Variants in STPG2 observed in about 807,000 individuals in gnomAD.
STPG2 encodes the protein sperm tail PG-rich repeat containing 2.
Under a neutral mutation model 54.2 loss-of-function variants are expected in STPG2, and 56 were observed. The observed-to-expected ratio is 1.03, with a 90% CI of 0.83 to 1.29. The LOEUF is 1.29. Among genes scored for constraint, STPG2 ranks in the 50% most tolerant of loss-of-function variants. STPG2 has a pLI of 0.00. For synonymous variants in STPG2, 200 were observed against 181.8 expected, an observed-to-expected ratio of 1.10 and a Z score of -0.81; for missense variants, 596 against 544.9, an observed-to-expected ratio of 1.09 and a Z score of -0.93.
chr4:98,106,322 G>A (rs1019708207), intron 4 of STPG2, among the ~76,000 whole-genome samples: 2 of 151,810 alleles, frequency 1.3e-5, no homozygotes, highest in African/African-American at 4.8e-5. Context: ...AATAAGATCT[G>A]GTATTTATTG....
intron 5 of STPG2, among the ~76,000 whole-genome samples, chr4:97,993,619 G>A (rs1204010564): frequency 6.6e-6 from 1 of 151,740 alleles, no homozygotes; most frequent in Non-Finnish European, 1.5e-5. Context: ...AATTGTTGGA[G>A]GATTCCCTCT....
chr4:97,946,582 T>C (rs1442164777), intron 7 of STPG2, among the ~76,000 whole-genome samples: 1 of 152,078 alleles, frequency 6.6e-6, no homozygotes, highest in Non-Finnish European at 1.5e-5. Context: ...AAATGAGATG[T>C]AGGGATTCAG....
At chr4:98,124,273 A>G (rs1220769957) in intron 3 of STPG2, among the ~76,000 whole-genome samples, 4 of 152,124 alleles carry the variant, frequency 2.6e-5, no homozygotes, top group Admixed American at 2.6e-4. Context: ...TCACAGTGTC[A>G]TTGGCCTGTG....
intron 10 of STPG2, among the ~76,000 whole-genome samples, chr4:97,605,759 T>C (rs538660538): frequency 5.3e-5 from 8 of 151,522 alleles, no homozygotes; most frequent in African/African-American, 1.7e-4. Context: ...TCAGACAATT[T>C]AGACATTTTT....
At chr4:98,025,678 G>T (rs554222084) in intron 5 of STPG2, 6 of 1,081,582 alleles carry the variant, frequency 5.5e-6, no homozygotes, top group Non-Finnish European at 8.5e-6. Flanking sequence ...ATGTTGCAGC[G>T]TATTGTACTG....
rs145712265 is a variant in STPG2 at position 97,945,831 on chromosome 4, G to C, written c.934-1824C>G. On this transcript the variant is annotated intron_variant, in intron 7 of 10. Transcript: ENST00000295268. The stretch of plus-strand genomic sequence containing the variant: ...CCCACCACTTTGGGAGGCCAAATTA[G>C]GCAGATCACTTGAGCCCAAGAGTTC... Among the ~76,000 whole-genome samples the C allele has an allele frequency of 1.7e-3, 259 of 152,166 alleles. 1 individual carries two copies. Among genetic ancestry groups the C allele is most frequent in the Non-Finnish European group, 2.3e-3 (157 of 68,000 alleles).
intron 3 of STPG2, among the ~76,000 whole-genome samples, chr4:98,123,448 C>A (rs563480298): frequency 3.3e-5 from 5 of 152,146 alleles, no homozygotes; most frequent in African/African-American, 7.2e-5. Flanking sequence ...ATTATTTACC[C>A]AGGAGTCATT....
intron 4 of STPG2, among the ~76,000 whole-genome samples, chr4:97,525,481 T>G (rs1378247188): frequency 6.6e-6 from 1 of 151,902 alleles, no homozygotes; most frequent in African/African-American, 2.4e-5. Context: ...TAAAAAGGGC[T>G]TCAAAACTCT....
chr4:97,562,406 C>G (rs1294630661), intron 10 of STPG2, among the ~76,000 whole-genome samples: 2 of 152,138 alleles, frequency 1.3e-5, no homozygotes, highest in African/African-American at 4.8e-5. Flanking sequence ...ATTAGACTTC[C>G]TCTTTTCCTA....
rs17545594 is a variant in STPG2 at position 97,731,538 on chromosome 4, A to T, written c.1205-18724T>A. On this transcript the variant is annotated intron_variant, in intron 9 of 10. Transcript: ENST00000295268. ...AGCCTAGGAAGCTCATGCTTCCCCA[A>T]CCAGGTCTCCTTCCGGTGTCTGCCC... Among the ~76,000 whole-genome samples, 6 of 152,052 alleles carry T rather than the reference A, an allele frequency of 3.9e-5. No homozygotes were observed. The South Asian group carries it at 8.3e-4, about 21-fold the overall frequency.
At chr4:97,972,959 G>A (rs1439557635) in intron 6 of STPG2, among the ~76,000 whole-genome samples, 1 of 152,186 alleles carries the variant, frequency 6.6e-6, no homozygotes, top group Non-Finnish European at 1.5e-5. Context: ...TCTTGGGTAT[G>A]TCTTTTTTAG....
At chr4:97,839,803 G>T (rs534545681) in intron 9 of STPG2, among the ~76,000 whole-genome samples, 17 of 151,770 alleles carry the variant, frequency 1.1e-4, no homozygotes, top group African/African-American at 4.1e-4. Context: ...AGTATTATTT[G>T]CTGGATAAGT....
At chr4:97,522,754 G>A (rs1296150952) in intron 4 of STPG2, among the ~76,000 whole-genome samples, 1 of 151,908 alleles carries the variant, frequency 6.6e-6, no homozygotes, top group Non-Finnish European at 1.5e-5. Flanking sequence ...CAATTACACT[G>A]GCAAATGTTT....
intron 5 of STPG2, among the ~76,000 whole-genome samples, chr4:97,982,819 T>C (rs1218919129): frequency 2.0e-5 from 3 of 152,202 alleles, no homozygotes; most frequent in African/African-American, 7.2e-5. Context: ...ATCCAGGTTA[T>C]ACATTTCTGG....
intron 5 of STPG2, among the ~76,000 whole-genome samples, chr4:98,040,352 G>T (rs1736912087): frequency 6.6e-6 from 1 of 151,602 alleles, no homozygotes; most frequent in Non-Finnish European, 1.5e-5. Context: ...ATTTGTTTTG[G>T]TTGCTTGTGT....
chr4:97,612,631 A>G (rs2148916192), intron 10 of STPG2, among the ~76,000 whole-genome samples: 1 of 152,194 alleles, frequency 6.6e-6, no homozygotes, highest in South Asian at 2.1e-4. Flanking sequence ...GCAGTCATGT[A>G]GTCTCACTTA....
chr4:97,757,442 G>A (rs1224184309), intron 9 of STPG2, among the ~76,000 whole-genome samples: 1 of 152,152 alleles, frequency 6.6e-6, no homozygotes, highest in African/African-American at 2.4e-5. Context: ...AGTCTCAAGT[G>A]CAATATGGTC....
At chr4:97,797,973 A>G (rs9682339) in intron 9 of STPG2, among the ~76,000 whole-genome samples, 312 of 152,188 alleles carry the variant, frequency 2.1e-3, no homozygotes, top group African/African-American at 7.3e-3. Flanking sequence ...GTTTATTTGC[A>G]TAGAGGTGTT....
chr4:98,031,087 A>G (rs1472104283), intron 5 of STPG2, among the ~76,000 whole-genome samples: 1 of 152,164 alleles, frequency 6.6e-6, no homozygotes, highest in East Asian at 1.9e-4. Flanking sequence ...CAGAATAGAG[A>G]ACCCAGAAAT....
Sources: allele counts gnomAD v4.1 joint callset (sites outside exome capture counted in the v4.1 genomes callset), GRCh38; gene constraint gnomAD v4.1.1; transcripts MANE v1.5; gene names NCBI Gene and HGNC (gene_info 2026-07-23, HGNC 2026-07-21).